The following DMD variants were observed in gnomAD, a reference collection of about 807,000 sequenced individuals.
The protein encoded by DMD is dystrophin.
DMD carries 63 observed loss-of-function variants against 330.1 expected under a neutral mutation model. The observed-to-expected ratio is 0.19, with a 90% CI of 0.16 to 0.24. The LOEUF (loss-of-function observed/expected upper bound fraction) is 0.24, where lower values mean the gene tolerates loss of function less well. Ranked by LOEUF, DMD falls within the 10% of genes least tolerant of loss-of-function variation. The probability of loss-of-function intolerance (pLI) is 1.00; values close to 1 mark genes in which losing one functional copy is unlikely to be tolerated. For missense variants in DMD, 3,344 were observed against 2,684.1 expected (o/e 1.25, Z -5.43); for synonymous variants, 1,223 against 959.8 (o/e 1.27, Z -5.07).
At chrX:32,911,898 A>G (rs1472281363) in intron 2 of DMD, among the ~76,000 whole-genome samples, 1 of 111,388 alleles carries the variant, frequency 9.0e-6, no homozygotes, top group African/African-American at 3.3e-5. Context: ...ATTGAAACAA[A>G]TGAGAGAAGA....
At chrX:31,910,702 G>C (rs1435000408) in intron 47 of DMD, among the ~76,000 whole-genome samples, 1 of 111,777 alleles carries the variant, frequency 8.9e-6, no homozygotes, top group Non-Finnish European at 1.9e-5. Context: ...GATTAGAAAG[G>C]AGAAGTCAGA....
At chrX:32,318,149 GC>G (rs755979423) in intron 41 of DMD, among the ~76,000 whole-genome samples, 1 of 111,346 alleles carries the variant, frequency 9.0e-6, no homozygotes, top group Non-Finnish European at 1.9e-5. Context: ...CTGTCTCTTA[GC>G]CCCACAAGTC....
intron 2 of DMD, among the ~76,000 whole-genome samples, chrX:32,963,915 C>T (rs1312570445): frequency 7.2e-5 from 8 of 111,274 alleles, no homozygotes; most frequent in Admixed American, 6.7e-4. Flanking sequence ...TTCATGCATT[C>T]GCAGTGATGC....
At chrX:32,633,169 G>A (rs1284993038) in intron 11 of DMD, among the ~76,000 whole-genome samples, 1 of 111,650 alleles carries the variant, frequency 9.0e-6, no homozygotes, top group African/African-American at 3.3e-5. Flanking sequence ...CTTTGCTCCT[G>A]CATCAGAGAG....
intron 60 of DMD, among the ~76,000 whole-genome samples, chrX:31,401,991 C>A (rs569429786): frequency 5.4e-5 from 6 of 111,450 alleles, no homozygotes; most frequent in Non-Finnish European, 9.4e-5. Context: ...TGTAATACAA[C>A]GAGCCTCTGG....
chrX:32,899,024 T>C (rs2085982290), intron 2 of DMD, among the ~76,000 whole-genome samples: 1 of 112,152 alleles, frequency 8.9e-6, no homozygotes, highest in Non-Finnish European at 1.9e-5. Context: ...GAGGCAAATA[T>C]ATAGTGCACT....
chrX:31,445,935 A>G (rs777745755), intron 59 of DMD, among the ~76,000 whole-genome samples: 12 of 112,010 alleles, frequency 1.1e-4, no homozygotes, highest in Non-Finnish European at 3.8e-5. Context: ...GTGTAATGTA[A>G]TGTCTGTGTA....
chrX:33,275,712 G>C (rs1488385356), intron 1 of DMD, among the ~76,000 whole-genome samples: 1 of 111,699 alleles, frequency 9.0e-6, no homozygotes, highest in Non-Finnish European at 1.9e-5. Context: ...CTAAATGAAA[G>C]ACATCCTAAT....
intron 62 of DMD, among the ~76,000 whole-genome samples, chrX:31,313,833 T>G (rs376243261): frequency 2.8e-5 from 3 of 109,059 alleles, no homozygotes; most frequent in Non-Finnish European, 3.8e-5. Flanking sequence ...TTTTTAACTT[T>G]TATTTATTTA....
chrX:32,809,754 T>G, intron 6 of DMD, 143 bp from the exon 7 acceptor site: 4 of 491,695 alleles, frequency 8.1e-6, no homozygotes, highest in Non-Finnish European at 1.4e-5. Context: ...CATTTACCCT[T>G]TAAAATATTT....
intron 1 of DMD, among the ~76,000 whole-genome samples, chrX:33,222,071 A>G (rs1053329299): frequency 1.8e-5 from 2 of 111,831 alleles, no homozygotes; most frequent in Non-Finnish European, 3.8e-5. Flanking sequence ...GAGTCCAGCA[A>G]TAGCCTGATA....
chrX:31,352,079 T>C (rs2058459263), intron 60 of DMD, among the ~76,000 whole-genome samples: 1 of 111,457 alleles, frequency 9.0e-6, no homozygotes, highest in African/African-American at 3.3e-5. Context: ...TAATAAGTAA[T>C]TGGCTTTTTA....
chrX:32,403,468 A>AAT (rs1225639274), intron 30 of DMD, among the ~76,000 whole-genome samples: 1 of 111,898 alleles, frequency 8.9e-6, no homozygotes, highest in African/African-American at 3.2e-5. Flanking sequence ...CTTAAAATGT[A>AAT]CACATCAAAA....
intron 44 of DMD, among the ~76,000 whole-genome samples, chrX:31,993,684 G>C (rs2095565390): frequency 8.9e-6 from 1 of 111,929 alleles, no homozygotes; most frequent in South Asian, 3.7e-4. Context: ...TTTTTCATGT[G>C]AATCTGTAAG....
intron 63 of DMD, among the ~76,000 whole-genome samples, chrX:31,252,792 T>C (rs2049516107): frequency 9.0e-6 from 1 of 111,576 alleles, no homozygotes; most frequent in Non-Finnish European, 1.9e-5. Flanking sequence ...GGCGGGTGGA[T>C]CATGAGGTCA....
chrX:31,290,372 A>G (rs1311944615), intron 62 of DMD, among the ~76,000 whole-genome samples: 2 of 111,771 alleles, frequency 1.8e-5, no homozygotes, highest in Non-Finnish European at 3.8e-5. Flanking sequence ...TACCTTAAGT[A>G]CATATTGACT....
intron 2 of DMD, among the ~76,000 whole-genome samples, chrX:32,859,343 C>T (rs1432985188): frequency 9.2e-6 from 1 of 108,749 alleles, no homozygotes; most frequent in African/African-American, 3.4e-5. Flanking sequence ...TGGCACACAC[C>T]TGTGATCCCA....
chrX:31,711,076 T>C (rs372895657), intron 52 of DMD, among the ~76,000 whole-genome samples: 10 of 104,726 alleles, frequency 9.5e-5, no homozygotes, highest in African/African-American at 3.5e-4. Flanking sequence ...ACTGTTTGAT[T>C]GGCTCCAGAC....
intron 2 of DMD, among the ~76,000 whole-genome samples, chrX:32,860,131 C>G (rs1166173624): frequency 9.0e-6 from 1 of 111,574 alleles, no homozygotes; most frequent in African/African-American, 3.3e-5. Flanking sequence ...AAACAGTGTT[C>G]AAAAAGAAAC....
Sources: gnomAD v4.1 joint callset for allele counts (sites outside exome capture counted in the v4.1 genomes callset) on GRCh38, gnomAD v4.1.1 for gene constraint, MANE v1.5 for transcripts, NCBI Gene and HGNC (gene_info 2026-07-23, HGNC 2026-07-21) for gene names.